The following SUMF1 variants were observed in gnomAD, a reference collection of about 807,000 sequenced individuals.
SUMF1 encodes sulfatase modifying factor 1.
In SUMF1, 48 loss-of-function variants were observed where a neutral mutation model predicts 47.6. That is an observed-to-expected ratio of 1.01 (90% CI 0.80 to 1.28). The LOEUF is 1.28. Ranked by LOEUF, SUMF1 falls within the 50% of genes most tolerant of loss-of-function variation. SUMF1 has a pLI of 0.00. For missense variants in SUMF1, 571 were observed against 485.4 expected (o/e 1.18, Z -1.66); for synonymous variants, 230 against 192.1 (o/e 1.20, Z -1.63).
At chr3:4,084,661 C>A (rs952084629) in intron 8 of SUMF1, among the ~76,000 whole-genome samples, 4 of 152,086 alleles carry the variant, frequency 2.6e-5, no homozygotes, top group African/African-American at 9.7e-5. Flanking sequence ...ATCTTTGATC[C>A]ATAGAACTGC....
chr3:4,128,838 G>C (rs905374843), intron 8 of SUMF1, among the ~76,000 whole-genome samples: 1 of 152,062 alleles, frequency 6.6e-6, no homozygotes, highest in South Asian at 2.1e-4. Context: ...TATTAATTTG[G>C]GCCCACTAAG....
At chr3:4,260,589 A>T (rs2125022899) in intron 8 of SUMF1, among the ~76,000 whole-genome samples, 1 of 152,290 alleles carries the variant, frequency 6.6e-6, no homozygotes, top group South Asian at 2.1e-4. Flanking sequence ...AATTCTGAAC[A>T]GATGCTGGCT....
intron 8 of SUMF1, among the ~76,000 whole-genome samples, chr3:4,302,837 G>A (rs1698004239): frequency 6.6e-6 from 1 of 152,134 alleles, no homozygotes; most frequent in African/African-American, 2.4e-5. Context: ...GGGATGGAGA[G>A]GAGGGAAAAG....
intron 8 of SUMF1, among the ~76,000 whole-genome samples, chr3:4,352,890 T>G (rs1699534151): frequency 6.6e-6 from 1 of 152,112 alleles, no homozygotes; most frequent in Non-Finnish European, 1.5e-5. Flanking sequence ...GCTCTTGAGG[T>G]CATTTAAACC....
intron 8 of SUMF1, among the ~76,000 whole-genome samples, chr3:4,352,299 C>T (rs1480870501): frequency 1.3e-5 from 2 of 152,000 alleles, no homozygotes; most frequent in African/African-American, 4.8e-5. Flanking sequence ...ATAACCAGTT[C>T]CCCCCCAAAA....
chr3:4,168,639 G>C lies in SUMF1; in HGVS notation c.1015-99894C>G, dbSNP rs56290573. On this transcript the variant is annotated intron_variant and NMD_transcript_variant, in intron 8 of 12. Transcript: ENST00000448413. ...TCAATTCAAAAAGTTTTTTTAATGA[G>C]TTCTCAAGCAACTTTGGGTAAAAAT... Among the ~76,000 whole-genome samples, 1,048 of 152,106 alleles carry C rather than the reference G, an allele frequency of 6.9e-3. 21 individuals carry two copies. Among genetic ancestry groups the C allele is most frequent in the African/African-American group, 0.024 (1,000 of 41,480 alleles).
intron 8 of SUMF1, among the ~76,000 whole-genome samples, chr3:4,177,289 G>A (rs559538022): frequency 1.9e-4 from 29 of 152,256 alleles, no homozygotes; most frequent in Admixed American, 1.3e-3. Context: ...ATAATTGGAA[G>A]TAAAGCACTC....
chr3:4,369,381 T>C (rs17040532), intron 8 of SUMF1, among the ~76,000 whole-genome samples: 5,450 of 152,264 alleles, frequency 0.036, 302 homozygotes, highest in African/African-American at 0.12. Flanking sequence ...GAGGTGACCA[T>C]GCAGGAAGAC....
chr3:4,303,343 G>C (rs925015805), intron 8 of SUMF1: 3 of 1,525,428 alleles, frequency 2.0e-6, no homozygotes, highest in Non-Finnish European at 2.6e-6. Flanking sequence ...GGACTGTCAG[G>C]GTAGTGGGCG....
At chr3:4,376,255 G>A (rs984341018) in intron 8 of SUMF1, 75 bp downstream of exon 8, 22 of 1,533,050 alleles carry the variant, frequency 1.4e-5, no homozygotes, top group Non-Finnish European at 2.0e-5. Flanking sequence ...AGACATTTGG[G>A]GCTATCATTT....
At chr3:4,436,657 G>C (rs1378234888) in intron 3 of SUMF1, among the ~76,000 whole-genome samples, 4 of 150,406 alleles carry the variant, frequency 2.7e-5, no homozygotes, top group African/African-American at 4.9e-5. Flanking sequence ...ATGGACATTA[G>C]AAAATATTTA....
chr3:4,039,219 T>TTTTTTTTTTTTG, intron 9 of SUMF1, among the ~76,000 whole-genome samples: 1 of 125,756 alleles, frequency 8.0e-6, no homozygotes, highest in Non-Finnish European at 1.7e-5. Context: ...ATTTTTTTTT[T>TTTTTTTTTTTTG]TTTTTTTTTT....
intron 8 of SUMF1, among the ~76,000 whole-genome samples, chr3:4,139,031 C>T (rs1453836677): frequency 1.3e-5 from 2 of 152,036 alleles, no homozygotes; most frequent in Non-Finnish European, 2.9e-5. Context: ...GAAAGTATAT[C>T]ACAGAAATCA....
At chr3:4,114,262 C>T (rs1211624422) in intron 8 of SUMF1, among the ~76,000 whole-genome samples, 1 of 152,052 alleles carries the variant, frequency 6.6e-6, no homozygotes, top group Non-Finnish European at 1.5e-5. Flanking sequence ...GCAGAGTTTG[C>T]TATGGCAGAA....
chr3:4,126,944 T>A (rs1693668055), intron 8 of SUMF1, among the ~76,000 whole-genome samples: 1 of 152,120 alleles, frequency 6.6e-6, no homozygotes, highest in Admixed American at 6.6e-5. Flanking sequence ...AGAGGGTAAA[T>A]GATTCCACAT....
At chr3:4,353,227 T>C (rs2582347) in intron 8 of SUMF1, among the ~76,000 whole-genome samples, 83,219 of 151,986 alleles carry the variant, frequency 0.55, 26,171 homozygotes, top group African/African-American at 0.87. Flanking sequence ...AGTGAGACCC[T>C]CATCTTTACA....
rs148944107 is a variant in SUMF1 at position 4,350,063 on chromosome 3, C to T, written c.1014+26267G>A. Among the ~76,000 whole-genome samples the T allele has an allele frequency of 1.6e-3, 234 of 150,634 alleles. 1 individual carries two copies. The highest frequency in any genetic ancestry group is 5.2e-3 in the African/African-American group (212 of 40,904). ...TCGCCCAGGCTGGAGCGCAGTGGCA[C>T]GATCTTGGGTCACTGCAACCTCTGC... On this transcript the variant is annotated intron_variant and NMD_transcript_variant, in intron 8 of 12. Coordinates refer to the SUMF1 transcript ENST00000448413.
chr3:4,246,077 G>T (rs760154818), intron 8 of SUMF1, among the ~76,000 whole-genome samples: 3 of 152,194 alleles, frequency 2.0e-5, no homozygotes, highest in Non-Finnish European at 4.4e-5. Context: ...AGGTACGGGA[G>T]GGAATCTCCT....
intron 8 of SUMF1, among the ~76,000 whole-genome samples, chr3:4,138,937 T>C (rs192541153): frequency 2.2e-4 from 33 of 152,202 alleles, no homozygotes; most frequent in Admixed American, 1.4e-3. Context: ...ATTTTTTATA[T>C]ATTATGACAT....
Sources: allele counts gnomAD v4.1 joint callset (sites outside exome capture counted in the v4.1 genomes callset), GRCh38; gene constraint gnomAD v4.1.1; transcripts MANE v1.5; gene names NCBI Gene and HGNC (gene_info 2026-07-23, HGNC 2026-07-21).